The following ZNF385A variants were observed in gnomAD, a reference collection of about 807,000 sequenced individuals.
ZNF385A encodes the protein hematopoietic zinc finger protein.
Under a neutral mutation model 32.1 loss-of-function variants are expected in ZNF385A, and 14 were observed. The observed-to-expected ratio is 0.44, with a 90% CI of 0.29 to 0.68. The LOEUF is 0.68. Among genes scored for constraint, ZNF385A ranks in the 30% least tolerant of loss-of-function variants. The probability of loss-of-function intolerance (pLI) is 0.14; values close to 1 mark genes in which losing one functional copy is unlikely to be tolerated. For missense variants in ZNF385A, 406 were observed against 478.4 expected, an observed-to-expected ratio of 0.85 and a Z score of 1.41; for synonymous variants, 197 against 202.7, an observed-to-expected ratio of 0.97 and a Z score of 0.24.
At chr12:54,386,491 C>T (rs1955489795), upstream of ZNF385A, among the ~76,000 whole-genome samples, 2 of 152,112 alleles carry the variant, frequency 1.3e-5, no homozygotes, top group Admixed American at 1.3e-4. Flanking sequence ...AGCTTGACCA[C>T]CTCCCCTTCC....
chr12:54,391,203 G>T, intron 1 of ZNF385A: 1 of 1,478,416 alleles, frequency 6.8e-7, no homozygotes, highest in South Asian at 1.3e-5. Context: ...GAACCCAGGA[G>T]CCGGGAGCCT....
At chr12:54,391,153 G>T in intron 1 of ZNF385A, 1 of 1,416,316 alleles carries the variant, frequency 7.1e-7, no homozygotes, top group Non-Finnish European at 9.4e-7. Context: ...CCGCGGTGCC[G>T]GGAGATGGTG....
In ZNF385A at chr12:54,371,558, C is replaced by T; in HGVS notation, c.519G>A (p.Glu173=). The T allele has an allele frequency of 6.2e-7, 1 of 1,613,772 alleles. No individual in the cohort carries two copies. Among genetic ancestry groups the T allele is most frequent in the Non-Finnish European group, 8.5e-7 (1 of 1,179,862 alleles). Reference sequence around the variant, plus strand: ...AGAGCAGCCGCTTGGCTTTCTCCTCCTCTTCCTTGCTACCCCCAGGCAAGG... The same window carrying T: ...AGAGCAGCCGCTTGGCTTTCTCCTCTTCTTCCTTGCTACCCCCAGGCAAGG... ...PASLPGGSKE[E]EEKAKRLLYC... Residue 173 remains glutamate, a synonymous_variant, in exon 4 of 7, where the codon GAG becomes GAA. Transcript: ENST00000394313.
chr12:54,389,860 A>C (rs908247389), intron 1 of ZNF385A, among the ~76,000 whole-genome samples: 3 of 152,100 alleles, frequency 2.0e-5, no homozygotes, highest in Admixed American at 6.5e-5. Context: ...GAGGCAGGCA[A>C]CCAGCCATTC....
At position 54,371,143 on chromosome 12, in the gene ZNF385A, C is replaced by T. The variant is rs373746452; in HGVS notation, c.605-47G>A. The T allele has an allele frequency of 1.2e-4, 185 of 1,539,246 alleles. No homozygotes were observed. In the African/African-American group the frequency reaches 2.1e-3, roughly 17 times the overall value. On this transcript the variant is annotated intron_variant, in intron 4 of 6. Coordinates refer to ENST00000394313, the MANE Select transcript of ZNF385A (RefSeq NM_015481.3). ...AGGTAAGGGGTGGAAGAAAAATTAT[C>T]CAGGCCTACTGGGCCTCAGAATGCA...
chr12:54,387,471 C>T (rs1955521729), upstream of ZNF385A, among the ~76,000 whole-genome samples: 1 of 152,232 alleles, frequency 6.6e-6, no homozygotes, highest in African/African-American at 2.4e-5. Context: ...TTTCAGGTAG[C>T]CCAGGCCTTA....
At chr12:54,390,294 C>T (rs889366402) in intron 1 of ZNF385A, among the ~76,000 whole-genome samples, 4 of 151,970 alleles carry the variant, frequency 2.6e-5, no homozygotes, top group African/African-American at 7.3e-5. Flanking sequence ...GGCATGCAGC[C>T]GGCGCTGATG....
intron 2 of ZNF385A, among the ~76,000 whole-genome samples, chr12:54,374,833 G>T (rs749897595): frequency 6.6e-6 from 1 of 152,140 alleles, no homozygotes; most frequent in Non-Finnish European, 1.5e-5. Flanking sequence ...GTGGAGCCAG[G>T]GTTGATAGAC....
chr12:54,389,380 C>G (rs2120382727), upstream of ZNF385A, among the ~76,000 whole-genome samples: 1 of 152,336 alleles, frequency 6.6e-6, no homozygotes, highest in African/African-American at 2.4e-5. Flanking sequence ...GCAGCTTCCT[C>G]CCTCTCTCCT....
chr12:54,370,659 A>G lies in ZNF385A; in HGVS notation c.837T>C (p.Arg279=). The G allele has an allele frequency of 6.2e-7, 1 of 1,604,764 alleles. No homozygotes were observed. Among genetic ancestry groups the G allele is most frequent in the Non-Finnish European group, 8.5e-7 (1 of 1,176,828 alleles). ...VAGKPNPLLS[R]HKKSRGAGEL... Reference sequence around the variant, plus strand: ...CCCCGGCGCCCCTAGACTTCTTGTGACGGCTCAGTAGTGGGTTGGGCTTCC... The same window carrying G: ...CCCCGGCGCCCCTAGACTTCTTGTGGCGGCTCAGTAGTGGGTTGGGCTTCC... The change falls in exon 6 of 7, where the codon CGT becomes CGC. Residue 279 remains arginine (R), a synonymous_variant. Transcript: ENST00000394313. This position sits in a 1 kb window ranked among gnomAD's most constrained non-coding sequence, Gnocchi z 5.5.
At chr12:54,386,203 CACACACAG>C (rs1487909503), upstream of ZNF385A, among the ~76,000 whole-genome samples, 299 of 150,048 alleles carry the variant, frequency 2.0e-3, no homozygotes, top group African/African-American at 7.0e-3. Flanking sequence ...CACACACACA[CACACACAG>C]AGAGACGGAC....
intron 2 of ZNF385A, among the ~76,000 whole-genome samples, chr12:54,375,375 G>T (rs1340403563): frequency 1.3e-5 from 2 of 151,848 alleles, no homozygotes; most frequent in Non-Finnish European, 3.0e-5. Context: ...TAGAAATGGG[G>T]TGGAGAGAGA....
In ZNF385A at chr12:54,370,856, A is replaced by G; in HGVS notation, c.774+71T>C. On this transcript the variant is annotated intron_variant, in intron 5 of 6. Transcript: ENST00000394313. This position sits in a 1 kb window ranked among gnomAD's most constrained non-coding sequence, Gnocchi z 5.5. ...AACTCTGAAGAAGGGCCTTTACTCAAGCTCCTTGCTCCCCTTCCCCACTTA... is the reference window on the plus strand; with the variant it reads ...AACTCTGAAGAAGGGCCTTTACTCAGGCTCCTTGCTCCCCTTCCCCACTTA... The G allele has an allele frequency of 6.2e-7, 1 of 1,610,834 alleles. No individual in the cohort carries two copies.
At chr12:54,375,490 C>T (rs1954800400) in intron 2 of ZNF385A, among the ~76,000 whole-genome samples, 1 of 152,160 alleles carries the variant, frequency 6.6e-6, no homozygotes. Context: ...AACTCTGCCC[C>T]ATACCCAAGA....
At position 54,384,457 on chromosome 12, in the gene ZNF385A, T is replaced by C. The variant is rs762496574; in HGVS notation, c.58A>G (p.Thr20Ala). Residue 20 changes from threonine (T) to alanine (A), a missense_variant, in exon 1 of 7, where the codon ACC becomes GCC. By Grantham distance (58) the Thr-to-Ala change is moderately conservative. Transcript: ENST00000394313. ...CTGTAGTTGCTGAAGAGGCCAAGGGTAGGGGCTGGCTCGAGTGGGAAGGGC... is the reference window on the plus strand; with the variant it reads ...CTGTAGTTGCTGAAGAGGCCAAGGGCAGGGGCTGGCTCGAGTGGGAAGGGC... The part of the protein sequence containing the change: ...ILPFPLEPAP[T>A]LGLFSNYSTM... 9 of 1,591,998 alleles carry C rather than the reference T, an allele frequency of 5.7e-6. No individual in the cohort carries two copies. Among genetic ancestry groups the C allele is most frequent in the Non-Finnish European group, 7.7e-6 (9 of 1,169,626 alleles).
upstream of ZNF385A, among the ~76,000 whole-genome samples, chr12:54,386,552 G>A (rs1955491895): frequency 6.6e-6 from 1 of 152,044 alleles, no homozygotes; most frequent in Non-Finnish European, 1.5e-5. Flanking sequence ...CTCCCTTACT[G>A]CCTGTTACCC....
chr12:54,370,143 G>GA lies in ZNF385A; in HGVS notation c.*112_*113insT. The GA allele has an allele frequency of 1.3e-6, 1 of 795,752 alleles. No individual in the cohort carries two copies. 49.3% of individuals were successfully genotyped at this position (795,752 alleles called of 1,614,324 possible). A position where few individuals can be genotyped will look rare whatever the true frequency, so the allele number is the denominator to read the frequency against. ...GGAACCCCGTATCTCGGGGTGGGGG[G>GA]GGGGAAGGAGAGATCATTTAGGGAG... is the stretch of plus-strand genomic sequence containing the variant. On this transcript the variant is annotated 3_prime_UTR_variant, in exon 7 of 7. Transcript: ENST00000394313. The surrounding 1 kb of genome is among the most constrained non-coding windows in gnomAD (Gnocchi z 5.5).
chr12:54,371,722 T>C lies in ZNF385A; in HGVS notation c.362-7A>G, dbSNP rs1309009385. 1 of 1,611,438 alleles carries C rather than the reference T, an allele frequency of 6.2e-7. No homozygotes were observed. Among genetic ancestry groups the C allele is most frequent in the East Asian group, 2.2e-5 (1 of 44,862 alleles). On this transcript the variant is annotated splice_region_variant and splice_polypyrimidine_tract_variant and intron_variant, in intron 3 of 6. Coordinates refer to ENST00000394313, the MANE Select transcript of ZNF385A (RefSeq NM_015481.3). ...AGTCCATTCTCCATGGAAACTGTTG[T>C]TGGGGGAGAAACATGGGGATCACCC...
chr12:54,380,613 G>T (rs2700154), intron 1 of ZNF385A, among the ~76,000 whole-genome samples: 1 of 152,094 alleles, frequency 6.6e-6, no homozygotes, highest in African/African-American at 2.4e-5. Context: ...CTCCCCACCC[G>T]CTCCAGTGGC....
Sources: gnomAD v4.1 joint callset for allele counts (sites outside exome capture counted in the v4.1 genomes callset) on GRCh38, gnomAD v4.1.1 for gene constraint, Gnocchi (gnomAD v3.1) non-coding constraint, MANE v1.5 for transcripts, NCBI Gene and HGNC (gene_info 2026-07-23, HGNC 2026-07-21) for gene names.